Variants in FDXR observed in about 807,000 individuals in gnomAD.
FDXR encodes ferredoxin reductase.
In FDXR, 38 loss-of-function variants were observed where a neutral mutation model predicts 58.3. The ratio of observed to expected loss-of-function variants is 0.65; its 90% CI spans 0.50 to 0.85. The LOEUF (loss-of-function observed/expected upper bound fraction) is 0.85. Ranked by LOEUF, FDXR falls within the 40% of genes least tolerant of loss-of-function variation. The pLI is 0.00. For synonymous variants in FDXR, 275 were observed against 273.8 expected, an observed-to-expected ratio of 1.00 and a Z score of -0.04; for missense variants, 624 against 671.0, an observed-to-expected ratio of 0.93 and a Z score of 0.77.
In FDXR at chr17:74,865,809, G is replaced by A. The variant is rs2038158177; in HGVS notation, c.519C>T (p.Asp173=). ...GLPENQELEP[D]LSCDTAVILG... ...GAATCACGGCTGTGTCACAGCTCAG[G>A]TCTGGCTCCAGCTGGAGGGGAAAGG... is the stretch of plus-strand genomic sequence containing the variant. The change falls in exon 6 of 12, where the codon GAC becomes GAT. Residue 173 remains aspartate (D), a synonymous_variant. Coordinates refer to ENST00000293195, the MANE Select transcript of FDXR (RefSeq NM_024417.5). The A allele has an allele frequency of 1.2e-6, 2 of 1,613,114 alleles. No homozygotes were observed. Among genetic ancestry groups the A allele is most frequent in the Non-Finnish European group, 1.7e-6 (2 of 1,179,740 alleles).
In FDXR at chr17:74,866,873, G is replaced by A; in HGVS notation, c.181C>T (p.Pro61Ser). 3.7e-6 allele frequency: 6 copies of A among 1,613,742 alleles called. No homozygotes were observed. Among genetic ancestry groups the A allele is most frequent in the Non-Finnish European group, 5.1e-6 (6 of 1,179,888 alleles). Reference sequence around the variant, plus strand: ...TCGTAGATGTCCACGTGGGCCTGGGGGTGCTGCTGGGGAACAGGGTGGCAG... The same window carrying A: ...TCGTAGATGTCCACGTGGGCCTGGGAGTGCTGCTGGGGAACAGGGTGGCAG... Reference protein sequence around the residue: ...FYTAQHLLKHPQAHVDIYEKQ... With the variant: ...FYTAQHLLKHSQAHVDIYEKQ... Residue 61 changes from proline (P) to serine (S), a missense_variant, in exon 3 of 12, where the codon CCC (proline) becomes TCC (serine). Pro to Ser is a moderately conservative substitution (Grantham distance 74). Coordinates refer to ENST00000293195, the MANE Select transcript of FDXR (RefSeq NM_024417.5).
chr17:74,864,676 C>T, intron 7 of FDXR, 112 bp from the exon 8 acceptor site: 1 of 1,429,074 alleles, frequency 7.0e-7, no homozygotes, highest in African/African-American at 1.4e-5. Flanking sequence ...GCCTCCTCCC[C>T]AAAGGCACAG....
At chr17:74,868,974 C>A (rs1343688935) in intron 2 of FDXR, among the ~76,000 whole-genome samples, 3 of 152,180 alleles carry the variant, frequency 2.0e-5, no homozygotes, top group Non-Finnish European at 2.9e-5. Context: ...CCGCTCCCCA[C>A]TTCTGCTCCT....
chr17:74,862,709 AGGGCCGGCC>A lies in FDXR; in HGVS notation c.*99_*107del. Reference sequence around the variant, plus strand: ...GGAAGAGCAGCCAAGCCTCCAAGCCAGGGCCGGCCGGGATCAGCAGAGGTGCAAAGTCCC... The same window carrying A: ...GGAAGAGCAGCCAAGCCTCCAAGCCAGGGATCAGCAGAGGTGCAAAGTCCC... On this transcript the variant is annotated 3_prime_UTR_variant, in exon 12 of 12. Transcript: ENST00000293195. 1 of 1,415,380 alleles carries A rather than the reference AGGGCCGGCC, an allele frequency of 7.1e-7. No individual in the cohort carries two copies. The highest frequency in any genetic ancestry group is 9.4e-7 in the Non-Finnish European group (1 of 1,061,402). 87.7% of individuals were successfully genotyped at this position (1,415,380 alleles called of 1,614,324 possible).
At chr17:74,868,259 T>C in intron 2 of FDXR, 1 of 564,228 alleles carries the variant, frequency 1.8e-6, no homozygotes, top group Non-Finnish European at 3.2e-6. Flanking sequence ...GTCAAACAGG[T>C]AGCCTTGGAT....
At chr17:74,870,255 G>A (rs149672135) in intron 2 of FDXR, among the ~76,000 whole-genome samples, 1 of 152,120 alleles carries the variant, frequency 6.6e-6, no homozygotes, top group East Asian at 1.9e-4. Context: ...GGGGGCTCAC[G>A]CCTGTAATCC....
Position 74,862,905 on chromosome 17 carries a change from GC to G in FDXR, c.1387del (p.Ala463ProfsTer61). 2 of 1,613,016 alleles carry G rather than the reference GC, an allele frequency of 1.2e-6. No individual in the cohort carries two copies. Among genetic ancestry groups the G allele is most frequent in the Non-Finnish European group, 1.7e-6 (2 of 1,179,994 alleles). On this transcript the variant is annotated frameshift_variant, in exon 12 of 12. Transcript: ENST00000293195. LOFTEE classifies it high-confidence loss of function. ...GCCCTGGCCCCGGGCCACCTCCTCG[GC>G]ATCCAGCTTCTCCCAGTCTGAGAAA... ...VSFSDWEKLD[A>X]EEVARGQGTG...
At chr17:74,866,918 G>A (rs1286879254) in intron 2 of FDXR, 42 bp from the exon 3 acceptor site, 19 of 1,598,444 alleles carry the variant, frequency 1.2e-5, no homozygotes, top group Admixed American at 1.7e-5. Flanking sequence ...CCGAGAGAGA[G>A]AGGCTGGGAC....
rs899988432 is a variant in FDXR, at chr17:74,863,067, G to A, written c.1345+9C>T. On this transcript the variant is annotated intron_variant, in intron 11 of 11. Transcript: ENST00000293195. ...CCACCTCCCAGGACCTCAGCATCGG[G>A]GCCCAGACCTCGGCTGCTGAGCAGG... The A allele has an allele frequency of 3.4e-5, 54 of 1,609,402 alleles. No individual in the cohort carries two copies. Among genetic ancestry groups the A allele is most frequent in the Non-Finnish European group, 4.4e-5 (52 of 1,177,766 alleles).
chr17:74,863,387 C>T, intron 10 of FDXR, 141 bp from the exon 11 acceptor site: 1 of 799,210 alleles, frequency 1.3e-6, no homozygotes, highest in Non-Finnish European at 2.0e-6. Context: ...CCTGCTGTGG[C>T]CGCTGGTCCA....
chr17:74,863,805 TTGCTA>T (rs2038060357), intron 10 of FDXR, 86 bp downstream of exon 10: 1 of 1,477,224 alleles, frequency 6.8e-7, no homozygotes. Flanking sequence ...TCAGTACATG[TTGCTA>T]GATGAATGAA....
Position 74,866,833 on chromosome 17 carries a change from G to A in FDXR, c.221C>T (p.Pro74Leu), listed in dbSNP as rs746953590. Residue 74 changes from proline to leucine, a missense_variant, in exon 3 of 12, where the codon CCC (proline) becomes CTC (leucine). Physicochemically the swap from Pro to Leu is moderately conservative, Grantham distance 98. Transcript: ENST00000293195. ...HVDIYEKQPV[P>L]FGLVRFGVAP... ...CACACCAAAGCGCACCAGGCCAAAGGGCACAGGCTGTTTCTCGTAGATGTC... is the reference window on the plus strand; with the variant it reads ...CACACCAAAGCGCACCAGGCCAAAGAGCACAGGCTGTTTCTCGTAGATGTC... 7.4e-6 allele frequency: 12 copies of A among 1,614,078 alleles called. No homozygotes were observed. In the Admixed American group the frequency reaches 1.5e-4, roughly 20 times the overall value.
At position 74,866,894 on chromosome 17, in the gene FDXR, G is replaced by A. The variant is rs2038207987; in HGVS notation, c.178-18C>T. ...TGGGGGTGCTGCTGGGGAACAGGGT[G>A]GCAGCTGGTGGGGCCGAGAGAGAGA... On this transcript the variant is annotated intron_variant, in intron 2 of 11. Coordinates refer to ENST00000293195, the MANE Select transcript of FDXR (RefSeq NM_024417.5). 1 of 1,611,924 alleles carries A rather than the reference G, an allele frequency of 6.2e-7. No individual in the cohort carries two copies. The highest frequency in any genetic ancestry group is 1.1e-5 in the South Asian group (1 of 90,622).
chr17:74,865,575 C>T (rs1448416124), intron 6 of FDXR, 144 bp downstream of exon 6: 1 of 605,700 alleles, frequency 1.7e-6, no homozygotes, highest in Non-Finnish European at 2.9e-6. Flanking sequence ...CACTGCCCTT[C>T]AGAGAGCCTC....
intron 2 of FDXR, among the ~76,000 whole-genome samples, chr17:74,870,394 G>A (rs2038332940): frequency 6.6e-6 from 1 of 151,282 alleles, no homozygotes; most frequent in Non-Finnish European, 1.5e-5. Context: ...GAGTGCGCCT[G>A]TAATCCCAGT....
Position 74,864,168 on chromosome 17 carries a change from G to C in FDXR, c.982C>G (p.Leu328Val). 6.2e-7 allele frequency: 1 copy of C among 1,612,768 alleles called. No homozygotes were observed. The highest frequency in any genetic ancestry group is 8.5e-7 in the Non-Finnish European group (1 of 1,180,004). The change falls in exon 9 of 12, where the codon CTA (leucine) becomes GTA (valine). Residue 328 changes from leucine to valine, a missense_variant. Leu to Val is a conservative substitution (Grantham distance 32). Coordinates refer to ENST00000293195, the MANE Select transcript of FDXR (RefSeq NM_024417.5). The part of the protein sequence containing the change: ...PDGRRAAGVR[L>V]AVTRLEGVDE... ...CTCACCTCCAGTCTAGTGACTGCTA[G>C]GCGGACACCTGCTGCCCGCCGCCCA...
At position 74,862,665 on chromosome 17, in the gene FDXR, A is replaced by C; in HGVS notation, c.*152T>G. Reference sequence around the variant, plus strand: ...CTTGCGCGCAAGGGCGACCTTCCCCAGGAGGGAGGAGAGACGCTGGAAGAG... The same window carrying C: ...CTTGCGCGCAAGGGCGACCTTCCCCCGGAGGGAGGAGAGACGCTGGAAGAG... On this transcript the variant is annotated 3_prime_UTR_variant, in exon 12 of 12. Coordinates refer to ENST00000293195, the MANE Select transcript of FDXR (RefSeq NM_024417.5). 2 of 1,103,042 alleles carry C rather than the reference A, an allele frequency of 1.8e-6. No individual in the cohort carries two copies. Among genetic ancestry groups the C allele is most frequent in the Non-Finnish European group, 2.5e-6 (2 of 793,492 alleles). 68.3% of individuals were successfully genotyped at this position (1,103,042 alleles called of 1,614,324 possible). A position where few individuals can be genotyped will look rare whatever the true frequency, so the allele number is the denominator to read the frequency against.
chr17:74,865,852 A>C (rs2467577), intron 5 of FDXR, 32 bp from the exon 6 acceptor site: 3 of 1,544,014 alleles, frequency 1.9e-6, no homozygotes, highest in Admixed American at 1.8e-5. Flanking sequence ...AGGGTCCCCC[A>C]GCCTCGCTCC....
At chr17:74,868,010 C>A (rs2038251035) in intron 2 of FDXR, among the ~76,000 whole-genome samples, 1 of 152,060 alleles carries the variant, frequency 6.6e-6, no homozygotes, top group Non-Finnish European at 1.5e-5. Context: ...CCTCCAGCTT[C>A]ACTGGGACTC....
Sources: gnomAD v4.1 joint callset for allele counts (sites outside exome capture counted in the v4.1 genomes callset) on GRCh38, gnomAD v4.1.1 for gene constraint, MANE v1.5 for transcripts, NCBI Gene and HGNC (gene_info 2026-07-23, HGNC 2026-07-21) for gene names.